Variants in FRMD6 observed in about 807,000 individuals in gnomAD.
FRMD6 encodes the protein FERM domain containing 6.
In FRMD6, 37 loss-of-function variants were observed where a neutral mutation model predicts 73.2. That is an observed-to-expected ratio of 0.51 (90% CI 0.39 to 0.66). FRMD6 has a LOEUF of 0.66. Ranked by LOEUF, FRMD6 falls within the 30% of genes least tolerant of loss-of-function variation. The probability of loss-of-function intolerance (pLI) is 0.00; values close to 1 mark genes in which losing one functional copy is unlikely to be tolerated. For synonymous variants in FRMD6, 273 were observed against 282.2 expected (o/e 0.97, Z 0.33); for missense variants, 714 against 780.5 (o/e 0.91, Z 1.02).
At chr14:51,529,485 C>T (rs59478697) in intron 1 of FRMD6, among the ~76,000 whole-genome samples, 27 of 151,728 alleles carry the variant, frequency 1.8e-4, no homozygotes, top group African/African-American at 5.1e-4. Context: ...AGAGAGAGAG[C>T]GAGCACAACT....
intron 1 of FRMD6, among the ~76,000 whole-genome samples, chr14:51,683,573 G>A (rs759836496): frequency 6.6e-6 from 1 of 152,000 alleles, no homozygotes; most frequent in Admixed American, 6.6e-5. Flanking sequence ...ACAGATGTGC[G>A]TCACTGTGCT....
At chr14:51,528,356 T>A (rs1018450572) in intron 1 of FRMD6, among the ~76,000 whole-genome samples, 2 of 152,312 alleles carry the variant, frequency 1.3e-5, no homozygotes, top group Admixed American at 6.5e-5. Context: ...GCACTAGGAA[T>A]AGGCAGATTT....
chr14:51,452,958 G>A, the FRMD6 span, among the ~76,000 whole-genome samples: 1 of 152,180 alleles, frequency 6.6e-6, no homozygotes, highest in African/African-American at 2.4e-5. Context: ...TGGGAGCCAG[G>A]TTGCTTCCAG....
chr14:51,656,293 T>G (rs1594669782), intron 1 of FRMD6, among the ~76,000 whole-genome samples: 2 of 152,184 alleles, frequency 1.3e-5, no homozygotes, highest in East Asian at 3.9e-4. Context: ...ATTGTATTGC[T>G]TCAAGTCAAG....
At chr14:51,486,791 T>C (rs1432331292), upstream of FRMD6, among the ~76,000 whole-genome samples, 1 of 152,216 alleles carries the variant, frequency 6.6e-6, no homozygotes, top group Non-Finnish European at 1.5e-5. Flanking sequence ...ATTTAACCTA[T>C]GTTGTCATAT....
chr14:51,497,851 G>C (rs569704641), intron 1 of FRMD6, among the ~76,000 whole-genome samples: 34 of 152,260 alleles, frequency 2.2e-4, no homozygotes, highest in African/African-American at 7.9e-4. Flanking sequence ...GATATTTTGG[G>C]ATGAGGCTTC....
the FRMD6 span, among the ~76,000 whole-genome samples, chr14:51,409,881 G>A: frequency 2.0e-5 from 3 of 152,002 alleles, no homozygotes; most frequent in Non-Finnish European, 2.9e-5. Flanking sequence ...GAGCCACCAC[G>A]CCCGGCCCAA....
At chr14:51,621,833 G>A (rs972280968) in intron 2 of FRMD6, among the ~76,000 whole-genome samples, 5 of 152,208 alleles carry the variant, frequency 3.3e-5, no homozygotes, top group African/African-American at 1.2e-4. Flanking sequence ...GAAAGCCAGT[G>A]AGGGTACTAA....
At chr14:51,446,647 C>T in the FRMD6 span, among the ~76,000 whole-genome samples, 1 of 152,126 alleles carries the variant, frequency 6.6e-6, no homozygotes, top group Non-Finnish European at 1.5e-5. Flanking sequence ...TACTCCAGAC[C>T]TTGTGAATAT....
chr14:51,415,340 A>G, the FRMD6 span, among the ~76,000 whole-genome samples: 3 of 152,146 alleles, frequency 2.0e-5, no homozygotes, highest in Non-Finnish European at 1.5e-5. Context: ...ATCAATGCCT[A>G]TTTTATTGAG....
chr14:51,558,747 T>G (rs1887302098), intron 1 of FRMD6, among the ~76,000 whole-genome samples: 1 of 152,168 alleles, frequency 6.6e-6, no homozygotes, highest in Admixed American at 6.5e-5. Context: ...CCTTAGGTGT[T>G]TTAACTATTT....
chr14:51,431,320 T>C, the FRMD6 span, among the ~76,000 whole-genome samples: 1 of 152,348 alleles, frequency 6.6e-6, no homozygotes, highest in East Asian at 1.9e-4. Flanking sequence ...TGAGTAATTT[T>C]AGTATGCCAG....
intron 1 of FRMD6, among the ~76,000 whole-genome samples, chr14:51,569,630 G>A (rs1887995965): frequency 1.4e-5 from 2 of 148,070 alleles, no homozygotes; most frequent in Non-Finnish European, 3.0e-5. Context: ...CAGCCTTCCT[G>A]GTAGCTGGGA....
chr14:51,721,664 AACAAGTAGTACCTGTTGAAAATGGTCCC>A (rs1377400418), intron 11 of FRMD6, among the ~76,000 whole-genome samples: 1 of 146,522 alleles, frequency 6.8e-6, no homozygotes. Context: ...GGAAGGAAGG[AACAAGTAGTACCTGTTGAAAATGGTCCC>A]AGGAAGGAAG....
chr14:51,727,998 C>T lies in FRMD6; in HGVS notation c.1838C>T (p.Thr613Ile). The T allele has an allele frequency of 6.2e-7, 1 of 1,611,302 alleles. No individual in the cohort carries two copies. The highest frequency in any genetic ancestry group is 1.1e-5 in the South Asian group (1 of 91,038). ...AGCAAATACTTTTCTCTGGATCTCA[C>T]TCATGATGAAGTTCCAGAGTTTGTT... ...RTSKYFSLDL[T>I]HDEVPEFVV The change falls in exon 14 of 14, where the codon ACT becomes ATT. Residue 613 changes from threonine (T) to isoleucine (I), a missense_variant. Coordinates refer to ENST00000344768, the MANE Select transcript of FRMD6 (RefSeq NM_001267046.2).
the FRMD6 span, among the ~76,000 whole-genome samples, chr14:51,479,729 A>T: frequency 6.6e-6 from 1 of 152,214 alleles, no homozygotes; most frequent in Non-Finnish European, 1.5e-5. Context: ...AACAGTAGGG[A>T]AAGTTTAATA....
intron 1 of FRMD6, among the ~76,000 whole-genome samples, chr14:51,550,585 C>CT (rs1038615438): frequency 1.1e-3 from 168 of 151,154 alleles, no homozygotes; most frequent in Non-Finnish European, 8.1e-4. Context: ...AGGAGACCCC[C>CT]CCGCCATGCT....
At chr14:51,609,485 C>T (rs7153711) in intron 2 of FRMD6, among the ~76,000 whole-genome samples, 8,305 of 152,186 alleles carry the variant, frequency 0.055, 312 homozygotes, top group African/African-American at 0.1. Flanking sequence ...AGGGAGAGGG[C>T]CACAGAGGTG....
intron 1 of FRMD6, among the ~76,000 whole-genome samples, chr14:51,682,032 TA>T (rs1359767580): frequency 1.3e-5 from 2 of 152,178 alleles, no homozygotes; most frequent in Non-Finnish European, 2.9e-5. Context: ...ACCCACACAT[TA>T]GTATGCAAGA....
Sources: gnomAD v4.1 joint callset for allele counts (sites outside exome capture counted in the v4.1 genomes callset) on GRCh38, gnomAD v4.1.1 for gene constraint, MANE v1.5 for transcripts, NCBI Gene and HGNC (gene_info 2026-07-23, HGNC 2026-07-21) for gene names.